PXDNL: variants seen among roughly 807,000 people sequenced by gnomAD.
PXDNL encodes probable oxidoreductase PXDNL.
In PXDNL, 145 loss-of-function variants were observed where a neutral mutation model predicts 150.8. The observed-to-expected ratio is 0.96, with a 90% CI of 0.84 to 1.10. The LOEUF (loss-of-function observed/expected upper bound fraction) is 1.10. Among genes scored for constraint, PXDNL ranks in the 50% least tolerant of loss-of-function variants. PXDNL has a pLI of 0.00. For synonymous variants in PXDNL, 757 were observed against 725.7 expected (o/e 1.04, Z -0.69); for missense variants, 2,087 against 1,873.9 (o/e 1.11, Z -2.10).
chr8:51,589,234 G>A (rs1164370144), intron 3 of PXDNL, among the ~76,000 whole-genome samples: 1 of 152,168 alleles, frequency 6.6e-6, no homozygotes, highest in Non-Finnish European at 1.5e-5. Context: ...AGTCTGTAGT[G>A]TTCTCTCACA....
At chr8:51,575,471 T>C (rs59075579) in intron 3 of PXDNL, among the ~76,000 whole-genome samples, 8,087 of 152,146 alleles carry the variant, frequency 0.053, 520 homozygotes, top group African/African-American at 0.15. Context: ...TCCCAGCACA[T>C]TGGGAGGCCA....
chr8:51,608,717 G>A (rs1447839634), intron 2 of PXDNL, among the ~76,000 whole-genome samples: 1 of 147,760 alleles, frequency 6.8e-6, no homozygotes, highest in Non-Finnish European at 1.5e-5. Flanking sequence ...GGTGCCTGTA[G>A]TCCCAGCTGC....
intron 19 of PXDNL, among the ~76,000 whole-genome samples, chr8:51,370,133 A>G (rs1807056376): frequency 6.6e-6 from 1 of 152,230 alleles, no homozygotes; most frequent in Admixed American, 6.5e-5. Context: ...TCATATGTAA[A>G]TCAGGGATAA....
chr8:51,520,335 C>T (rs56371229), intron 4 of PXDNL, among the ~76,000 whole-genome samples: 1 of 152,226 alleles, frequency 6.6e-6, no homozygotes, highest in African/African-American at 2.4e-5. Context: ...GAAACCATCC[C>T]TCTAGAAGGG....
chr8:51,426,894 G>C (rs756627306), intron 12 of PXDNL, 136 bp from the exon 13 acceptor site: 6 of 581,692 alleles, frequency 1.0e-5, no homozygotes, highest in African/African-American at 9.4e-5. Flanking sequence ...TTACTTGGAC[G>C]TCTAGGGGAA....
At chr8:51,754,511 C>CTTTT (rs34658512) in intron 1 of PXDNL, among the ~76,000 whole-genome samples, 2 of 149,508 alleles carry the variant, frequency 1.3e-5, no homozygotes, top group Non-Finnish European at 3.0e-5. Flanking sequence ...CAAGTCATTT[C>CTTTT]TTTTTTTTTT....
intron 3 of PXDNL, among the ~76,000 whole-genome samples, chr8:51,579,371 G>A (rs1813156372): frequency 6.6e-6 from 1 of 151,982 alleles, no homozygotes; most frequent in Admixed American, 6.6e-5. Context: ...AGCCATCAGA[G>A]AAGTATAAAC....
intron 11 of PXDNL, among the ~76,000 whole-genome samples, chr8:51,447,584 G>A (rs928433634): frequency 2.2e-4 from 34 of 152,116 alleles, no homozygotes; most frequent in African/African-American, 7.5e-4. Flanking sequence ...AAATGCAGAG[G>A]CAGCATATCG....
intron 1 of PXDNL, among the ~76,000 whole-genome samples, chr8:51,793,658 G>A (rs2037533506): frequency 6.6e-6 from 1 of 152,162 alleles, no homozygotes; most frequent in Non-Finnish European, 1.5e-5. Flanking sequence ...GGAGGCCAAG[G>A]TGGTCAGATC....
chr8:51,601,751 A>G (rs1413009274), intron 2 of PXDNL, among the ~76,000 whole-genome samples: 3 of 151,150 alleles, frequency 2.0e-5, no homozygotes, highest in Non-Finnish European at 4.4e-5. Context: ...GTTTGACCCT[A>G]TTACAAAGTT....
chr8:51,356,646 T>C (rs1472323935), intron 19 of PXDNL, among the ~76,000 whole-genome samples: 1 of 152,234 alleles, frequency 6.6e-6, no homozygotes, highest in Non-Finnish European at 1.5e-5. Flanking sequence ...TTATCTTTTA[T>C]GCTGGTAAAA....
chr8:51,471,793 T>A (rs1485244715), intron 8 of PXDNL, among the ~76,000 whole-genome samples: 1 of 151,900 alleles, frequency 6.6e-6, no homozygotes, highest in East Asian at 1.9e-4. Context: ...TTCACGCCAT[T>A]CTCCTGCCTC....
intron 1 of PXDNL, among the ~76,000 whole-genome samples, chr8:51,713,721 A>AT (rs901743269): frequency 6.6e-6 from 1 of 152,162 alleles, no homozygotes; most frequent in Non-Finnish European, 1.5e-5. Context: ...ACTGCTTGCC[A>AT]TTTTTTTGAG....
intron 1 of PXDNL, among the ~76,000 whole-genome samples, chr8:51,770,337 T>C (rs550786520): frequency 5.1e-4 from 77 of 152,370 alleles, no homozygotes; most frequent in Admixed American, 2.4e-3. Flanking sequence ...TGAATAGCTA[T>C]GATCAAAGTG....
intron 1 of PXDNL, among the ~76,000 whole-genome samples, chr8:51,747,762 T>C (rs994585498): frequency 2.2e-4 from 34 of 152,188 alleles, no homozygotes; most frequent in African/African-American, 8.0e-4. Flanking sequence ...CAAACTTGGG[T>C]TAATTCCCGG....
chr8:51,474,977 T>A lies in PXDNL; in HGVS notation c.689A>T (p.Asn230Ile). 11 of 1,592,748 alleles carry A rather than the reference T, an allele frequency of 6.9e-6. No individual in the cohort carries two copies. Among genetic ancestry groups the A allele is most frequent in the Non-Finnish European group, 9.4e-6 (11 of 1,168,794 alleles). The part of the protein sequence containing the change: ...AVASVTVEEF[N>I]CQSPRITFEP... Reference sequence around the variant, plus strand: ...ACACATTGAAATTTACGTACGGCAATTGAATTCCTCTACTGTTACTGAAGC... The same window carrying A: ...ACACATTGAAATTTACGTACGGCAAATGAATTCCTCTACTGTTACTGAAGC... The change falls in exon 7 of 23, where the codon AAT (asparagine) becomes ATT (isoleucine). Residue 230 changes from asparagine (N) to isoleucine (I), a missense_variant. Physicochemically the swap from Asn to Ile is moderately radical, Grantham distance 149. Coordinates refer to ENST00000356297, the MANE Select transcript of PXDNL (RefSeq NM_144651.5).
In PXDNL at chr8:51,621,791, T is replaced by C. The variant is rs112092829; in HGVS notation, c.237-29093A>G. 5.8e-3 allele frequency among the ~76,000 whole-genome samples: 884 copies of C among 151,712 alleles called. 15 individuals are homozygous for C. The highest frequency in any genetic ancestry group is 0.02 in the African/African-American group (848 of 41,368). On this transcript the variant is annotated intron_variant, in intron 2 of 22. Transcript: ENST00000356297. ...CTTGTCTCTACAAAAAATACAAAAA[T>C]TAGCTAGGCCTGGTGACTTGCACCT...
At position 51,416,553 on chromosome 8, in the gene PXDNL, T is replaced by C. The variant is rs143208215; in HGVS notation, c.1796-3295A>G. Among the ~76,000 whole-genome samples, 533 of 152,344 alleles carry C rather than the reference T, an allele frequency of 3.5e-3. 5 individuals are homozygous for C. The highest frequency in any genetic ancestry group is 0.012 in the African/African-American group (514 of 41,588). On this transcript the variant is annotated intron_variant, in intron 14 of 22. Transcript: ENST00000356297. ...TGATGTGTTTATCAGATAGCAAAGA[T>C]ACGCAAAATTCTTTTAAAACTGCAT...
chr8:51,552,582 T>C (rs1007307377), intron 4 of PXDNL, among the ~76,000 whole-genome samples: 1 of 152,076 alleles, frequency 6.6e-6, no homozygotes, highest in Admixed American at 6.6e-5. Flanking sequence ...AACTCAGAAA[T>C]GGAAAGCCAA....
Sources: allele counts gnomAD v4.1 joint callset (sites outside exome capture counted in the v4.1 genomes callset), GRCh38; gene constraint gnomAD v4.1.1; transcripts MANE v1.5; gene names NCBI Gene and HGNC (gene_info 2026-07-23, HGNC 2026-07-21).